Variants in RARS1 observed in about 807,000 individuals in gnomAD.
The protein encoded by RARS1 is arginine--tRNA ligase, cytoplasmic.
A neutral mutation model predicts 78.7 loss-of-function variants in RARS1; 75 were observed. The observed-to-expected ratio is 0.95, with a 90% CI of 0.79 to 1.15. The LOEUF (loss-of-function observed/expected upper bound fraction) is 1.15, where lower values mean the gene tolerates loss of function less well. Among genes scored for constraint, RARS1 ranks in the 50% most tolerant of loss-of-function variants. The pLI is 0.00. For missense variants in RARS1, 787 were observed against 787.5 expected, an observed-to-expected ratio of 1.00 and a Z score of 0.01; for synonymous variants, 273 against 268.2, an observed-to-expected ratio of 1.02 and a Z score of -0.18.
At chr5:168,492,383 G>T (rs1758104123) in intron 2 of RARS1, among the ~76,000 whole-genome samples, 1 of 152,136 alleles carries the variant, frequency 6.6e-6, no homozygotes, top group Non-Finnish European at 1.5e-5. Context: ...GATTCCATCA[G>T]CTCTTTTAAC....
Position 168,500,706 on chromosome 5 carries a change from A to G in RARS1, c.938A>G (p.Asp313Gly), listed in dbSNP as rs1758302016. ...ACAAAAGCTTGGAAGCTTATCTGTGATGTCTCCCGCCAAGGTGAGTTTCTG... is the reference window on the plus strand; with the variant it reads ...ACAAAAGCTTGGAAGCTTATCTGTGGTGTCTCCCGCCAAGGTGAGTTTCTG... ...DITKAWKLIC[D>G]VSRQELNKIY... Residue 313 changes from aspartate to glycine, a missense_variant, in exon 8 of 15, where the codon GAT becomes GGT. Physicochemically the swap from Asp to Gly is moderately conservative, Grantham distance 94. Coordinates refer to ENST00000231572, the MANE Select transcript of RARS1 (RefSeq NM_002887.4). 3 of 1,611,522 alleles carry G rather than the reference A, an allele frequency of 1.9e-6. No individual in the cohort carries two copies. The highest frequency in any genetic ancestry group is 8.5e-7 in the Non-Finnish European group (1 of 1,179,326).
At chr5:168,506,958 A>G (rs1758461342) in intron 11 of RARS1, 127 bp downstream of exon 11, 1 of 721,588 alleles carries the variant, frequency 1.4e-6, no homozygotes. Flanking sequence ...ATAATGGTGT[A>G]AACCCAGCTG....
In RARS1 at chr5:168,495,454, G is replaced by A. The variant is rs1239617802; in HGVS notation, c.701+18G>A. 1.2e-6 allele frequency: 2 copies of A among 1,605,248 alleles called. No individual in the cohort carries two copies. Among genetic ancestry groups the A allele is most frequent in the African/African-American group, 2.7e-5 (2 of 74,788 alleles). ...GTGCTCAGGTATGTGCTCTTGCCTT[G>A]CGTACTATTCTCTTTCCTTATTTTC... On this transcript the variant is annotated intron_variant, in intron 6 of 14. Transcript: ENST00000231572.
At chr5:168,502,699 G>A (rs990090115) in intron 9 of RARS1, among the ~76,000 whole-genome samples, 2 of 150,470 alleles carry the variant, frequency 1.3e-5, no homozygotes, top group African/African-American at 2.4e-5. Context: ...AGCCTCCTAC[G>A]TAGCAGGAAT....
chr5:168,514,955 C>G (rs1170564293), intron 12 of RARS1, among the ~76,000 whole-genome samples: 1 of 152,012 alleles, frequency 6.6e-6, no homozygotes, highest in Non-Finnish European at 1.5e-5. Context: ...ATTCTGTTTC[C>G]AGGTTATACA....
chr5:168,488,520 C>T, intron 1 of RARS1, 82 bp from the exon 2 acceptor site: 2 of 1,414,598 alleles, frequency 1.4e-6, no homozygotes, highest in Non-Finnish European at 1.9e-6. Flanking sequence ...TAATGATTCC[C>T]ATGGTCTATG....
chr5:168,510,896 T>G (rs1195600177), intron 12 of RARS1, among the ~76,000 whole-genome samples: 1 of 152,228 alleles, frequency 6.6e-6, no homozygotes, highest in Non-Finnish European at 1.5e-5. Context: ...AAAAAGACCT[T>G]GGCTTTTTCC....
chr5:168,500,243 G>C (rs370679973), intron 7 of RARS1, among the ~76,000 whole-genome samples: 3 of 150,098 alleles, frequency 2.0e-5, no homozygotes, highest in South Asian at 4.2e-4. Context: ...ATTCATTCAG[G>C]ACCACATCCA....
intron 9 of RARS1, 139 bp from the exon 10 acceptor site, chr5:168,505,882 G>A: frequency 1.3e-6 from 1 of 786,184 alleles, no homozygotes; most frequent in South Asian, 2.1e-5. Context: ...AAAAAATTAT[G>A]TGCTTTCTTT....
chr5:168,497,165 C>T, intron 6 of RARS1, 63 bp from the exon 7 acceptor site: 14 of 1,240,112 alleles, frequency 1.1e-5, no homozygotes, highest in Non-Finnish European at 1.4e-5. Flanking sequence ...TATAGTTCCT[C>T]TAATTTAACT....
chr5:168,506,153 T>C lies in RARS1; in HGVS notation c.1190T>C (p.Phe397Ser). ...SDLAAIKQRL[F>S]EEKADMIIYV... ...CTGGCTGCTATTAAACAAAGACTAT[T>C]TGAGGAAAAAGCAGATATGATTATC... Residue 397 changes from phenylalanine to serine, a missense_variant, in exon 10 of 15, where the codon TTT (phenylalanine) becomes TCT (serine). By Grantham distance (155) the Phe-to-Ser change is radical (BLOSUM62 -2). Transcript: ENST00000231572. 1 of 1,583,578 alleles carries C rather than the reference T, an allele frequency of 6.3e-7. No individual in the cohort carries two copies.
At chr5:168,487,289 C>A (rs1253109888) in intron 1 of RARS1, among the ~76,000 whole-genome samples, 1 of 152,136 alleles carries the variant, frequency 6.6e-6, no homozygotes, top group East Asian at 1.9e-4. Context: ...TGGCGTGAAC[C>A]CGGGAGGCGG....
intron 11 of RARS1, among the ~76,000 whole-genome samples, chr5:168,507,757 G>A (rs1471150780): frequency 6.6e-6 from 1 of 152,034 alleles, no homozygotes; most frequent in Non-Finnish European, 1.5e-5. Flanking sequence ...GACACTAGGG[G>A]CTAGGCAAAG....
At position 168,506,663 on chromosome 5, in the gene RARS1, TAA is replaced by T. The variant is rs1758452467; in HGVS notation, c.1237-58_1237-57del. 4.7e-5 allele frequency: 61 copies of T among 1,308,168 alleles called. No individual in the cohort carries two copies. In the South Asian group the frequency reaches 6.5e-4, roughly 14 times the overall value. The allele number at this position is 1,308,168 out of a possible 1,614,324, so 81.0% of individuals were successfully genotyped here. A position where few individuals can be genotyped will look rare whatever the true frequency, so the allele number is the denominator to read the frequency against. ...GATCTATTCCTAAGCAAAAGAGCCT[TAA>T]GTCTTTTTTTTTTTCTTTAAAGAAG... On this transcript the variant is annotated intron_variant, in intron 10 of 14. Transcript: ENST00000231572.
intron 7 of RARS1, among the ~76,000 whole-genome samples, chr5:168,499,438 T>A (rs1259440900): frequency 2.6e-5 from 4 of 152,252 alleles, no homozygotes; most frequent in African/African-American, 9.6e-5. Flanking sequence ...GTTTAAATTC[T>A]TAGGCATTTT....
chr5:168,501,973 T>C, intron 8 of RARS1, 28 bp from the exon 9 acceptor site: 2 of 1,576,618 alleles, frequency 1.3e-6, no homozygotes, highest in Admixed American at 2.0e-5. Flanking sequence ...ATGCATTTTA[T>C]TTGGTGGCAT....
At chr5:168,506,930 C>T in intron 11 of RARS1, 99 bp downstream of exon 11, 1 of 954,276 alleles carries the variant, frequency 1.0e-6, no homozygotes, top group Non-Finnish European at 1.6e-6. Context: ...CCACAGTTTC[C>T]TTTAGTCCAC....
At chr5:168,512,151 G>A (rs759185564) in intron 12 of RARS1, among the ~76,000 whole-genome samples, 3 of 152,136 alleles carry the variant, frequency 2.0e-5, no homozygotes, top group Non-Finnish European at 4.4e-5. Context: ...ACACCCAGCT[G>A]TAGTTCATTT....
chr5:168,505,821 G>A (rs1758433518), intron 9 of RARS1, among the ~76,000 whole-genome samples, 200 bp from the exon 10 acceptor site: 1 of 151,742 alleles, frequency 6.6e-6, no homozygotes, highest in South Asian at 2.1e-4. Flanking sequence ...GAGTATCCAG[G>A]CAACCTTGAT....
Sources: allele counts gnomAD v4.1 joint callset (sites outside exome capture counted in the v4.1 genomes callset), GRCh38; gene constraint gnomAD v4.1.1; transcripts MANE v1.5; gene names NCBI Gene and HGNC (gene_info 2026-07-23, HGNC 2026-07-21).